NBEA: variants seen among roughly 807,000 people sequenced by gnomAD.
NBEA encodes the protein neurobeachin.
Under a neutral mutation model 343.4 loss-of-function variants are expected in NBEA, and 44 were observed. That is an observed-to-expected ratio of 0.13 (90% CI 0.10 to 0.16). The LOEUF (loss-of-function observed/expected upper bound fraction) is 0.16. Ranked by LOEUF, NBEA falls within the 10% of genes least tolerant of loss-of-function variation. The pLI, the probability that NBEA is intolerant of heterozygous loss-of-function variation, is 1.00. For missense variants in NBEA, 2,555 were observed against 3,631.3 expected, an observed-to-expected ratio of 0.70 and a Z score of 7.62; for synonymous variants, 1,175 against 1,238.7, an observed-to-expected ratio of 0.95 and a Z score of 1.08.
At position 35,176,627 on chromosome 13, in the gene NBEA, A is replaced by G. The variant is rs1377997387; in HGVS notation, c.4555-369A>G. ...TATACTAGTGTAGTATAATAATCTC[A>G]TATATTATAAAAGCATGATGGATAA... On this transcript the variant is annotated intron_variant, in intron 27 of 58. Transcript: ENST00000379939. 3.3e-5 allele frequency among the ~76,000 whole-genome samples: 5 copies of G among 152,010 alleles called. No individual in the cohort carries two copies. The East Asian group carries it at 7.7e-4, about 23-fold the overall frequency.
chr13:35,255,764 G>T (rs2032515691), intron 34 of NBEA, among the ~76,000 whole-genome samples: 2 of 152,262 alleles, frequency 1.3e-5, no homozygotes, highest in African/African-American at 4.8e-5. Flanking sequence ...ATCACCCACA[G>T]TGTGGTGAGC....
intron 34 of NBEA, among the ~76,000 whole-genome samples, chr13:35,276,641 T>A (rs1172924724): frequency 6.6e-6 from 1 of 152,194 alleles, no homozygotes; most frequent in East Asian, 1.9e-4. Context: ...TAGAGAAATA[T>A]GTAAACAACT....
intron 44 of NBEA, among the ~76,000 whole-genome samples, chr13:35,556,456 T>A (rs538226747): frequency 1.1e-4 from 16 of 152,190 alleles, no homozygotes; most frequent in Non-Finnish European, 2.2e-4. Context: ...ATTTAATATG[T>A]TTACATCTGT....
chr13:35,096,954 A>G (rs768643767), intron 10 of NBEA, among the ~76,000 whole-genome samples: 1 of 151,834 alleles, frequency 6.6e-6, no homozygotes, highest in Non-Finnish European at 1.5e-5. Context: ...TTGATTTGTG[A>G]TAGTTTACTT....
At chr13:35,434,398 G>T (rs1157696352) in intron 39 of NBEA, among the ~76,000 whole-genome samples, 1 of 152,106 alleles carries the variant, frequency 6.6e-6, no homozygotes, top group African/African-American at 2.4e-5. Flanking sequence ...GCAACGTTCA[G>T]AACCCATTAT....
intron 48 of NBEA, among the ~76,000 whole-genome samples, chr13:35,608,936 A>G (rs1384811097): frequency 1.3e-5 from 2 of 152,224 alleles, no homozygotes; most frequent in African/African-American, 4.8e-5. Flanking sequence ...CTCCTAAGTT[A>G]TACTCTTTCC....
chr13:35,488,375 A>G (rs2076379523), intron 41 of NBEA, among the ~76,000 whole-genome samples: 1 of 151,852 alleles, frequency 6.6e-6, no homozygotes, highest in South Asian at 2.1e-4. Flanking sequence ...TAAAATCCTA[A>G]TATTAGTTTT....
intron 38 of NBEA, among the ~76,000 whole-genome samples, chr13:35,422,185 A>G (rs948860486): frequency 3.0e-4 from 45 of 148,636 alleles, no homozygotes; most frequent in African/African-American, 1.1e-3. Flanking sequence ...TTTAGGGTAC[A>G]TGTGCACAAC....
intron 10 of NBEA, among the ~76,000 whole-genome samples, chr13:35,076,331 A>G (rs1171842176): frequency 1.3e-5 from 2 of 152,014 alleles, no homozygotes; most frequent in Admixed American, 1.3e-4. Context: ...TACTTTTAGA[A>G]GAGAAAAATG....
At chr13:35,448,912 T>A (rs974350229) in intron 39 of NBEA, among the ~76,000 whole-genome samples, 2 of 152,180 alleles carry the variant, frequency 1.3e-5, no homozygotes, top group South Asian at 2.1e-4. Flanking sequence ...TGTAAGCTGT[T>A]AACGTGCAGT....
At chr13:35,368,804 C>T (rs1327122989) in intron 38 of NBEA, among the ~76,000 whole-genome samples, 2 of 151,520 alleles carry the variant, frequency 1.3e-5, no homozygotes, top group Non-Finnish European at 3.0e-5. Context: ...ACGTATTTAC[C>T]AAATGAGGCA....
At chr13:35,530,222 C>A (rs56364211) in intron 41 of NBEA, among the ~76,000 whole-genome samples, 13,922 of 152,112 alleles carry the variant, frequency 0.092, 698 homozygotes, top group African/African-American at 0.11. Flanking sequence ...GTTTCCAATC[C>A]TAATTTTTTT....
At chr13:35,663,333 C>A (rs1593510829) in intron 55 of NBEA, among the ~76,000 whole-genome samples, 2 of 152,322 alleles carry the variant, frequency 1.3e-5, no homozygotes, top group Admixed American at 6.5e-5. Context: ...AGATCAATTT[C>A]TTCAGCTCCC....
At chr13:35,068,751 A>C (rs564437266) in intron 8 of NBEA, among the ~76,000 whole-genome samples, 3 of 152,320 alleles carry the variant, frequency 2.0e-5, no homozygotes, top group East Asian at 3.9e-4. Flanking sequence ...ACAGTGTTAA[A>C]ATGTTTGAAT....
chr13:35,211,425 T>G (rs981437628), intron 33 of NBEA, among the ~76,000 whole-genome samples: 1 of 152,166 alleles, frequency 6.6e-6, no homozygotes, highest in Non-Finnish European at 1.5e-5. Flanking sequence ...TCACTGTCAT[T>G]TAGTGCATGT....
intron 1 of NBEA, among the ~76,000 whole-genome samples, chr13:34,975,816 T>A (rs1171338951): frequency 1.3e-5 from 2 of 152,044 alleles, no homozygotes; most frequent in African/African-American, 4.8e-5. Context: ...AACAAGCATA[T>A]GGAAAAATGC....
At chr13:35,613,948 TTAC>T (rs756470624) in intron 48 of NBEA, among the ~76,000 whole-genome samples, 29 of 152,318 alleles carry the variant, frequency 1.9e-4, no homozygotes, top group Non-Finnish European at 3.4e-4. Flanking sequence ...CAAAATGGCT[TTAC>T]TAATTTATGC....
At chr13:35,536,410 G>T (rs1284505590) in intron 41 of NBEA, among the ~76,000 whole-genome samples, 1 of 151,774 alleles carries the variant, frequency 6.6e-6, no homozygotes, top group Non-Finnish European at 1.5e-5. Flanking sequence ...TTTGATATCT[G>T]CATTTGTTTT....
chr13:35,206,814 C>A (rs1348537622), intron 31 of NBEA, among the ~76,000 whole-genome samples: 1 of 152,010 alleles, frequency 6.6e-6, no homozygotes, highest in Admixed American at 6.6e-5. Flanking sequence ...TGAGAGTGGT[C>A]CAGTTTTCAA....
Sources: allele counts gnomAD v4.1 joint callset (sites outside exome capture counted in the v4.1 genomes callset), GRCh38; gene constraint gnomAD v4.1.1; transcripts MANE v1.5; gene names NCBI Gene and HGNC (gene_info 2026-07-23, HGNC 2026-07-21).